SLC8A1: variants seen among roughly 807,000 people sequenced by gnomAD.
The protein encoded by SLC8A1 is solute carrier family 8 member A1.
A neutral mutation model predicts 68.3 loss-of-function variants in SLC8A1; 18 were observed. That is an observed-to-expected ratio of 0.26 (90% CI 0.18 to 0.39). SLC8A1 has a LOEUF of 0.39. Ranked by LOEUF, SLC8A1 falls within the 10% of genes least tolerant of loss-of-function variation. SLC8A1 has a pLI of 1.00. For missense variants in SLC8A1, 985 were observed against 1,156.7 expected, an observed-to-expected ratio of 0.85 and a Z score of 2.15; for synonymous variants, 475 against 415.5, an observed-to-expected ratio of 1.14 and a Z score of -1.74.
chr2:40,488,496 C>A (rs1011014906), intron 1 of SLC8A1, among the ~76,000 whole-genome samples: 7 of 151,792 alleles, frequency 4.6e-5, no homozygotes, highest in African/African-American at 1.7e-4. Context: ...GTATTTTAAG[C>A]CCATTTAGCA....
chr2:40,297,072 A>G (rs2070532036), intron 2 of SLC8A1, among the ~76,000 whole-genome samples: 1 of 152,132 alleles, frequency 6.6e-6, no homozygotes, highest in African/African-American at 2.4e-5. Context: ...CTGAAGGCAC[A>G]TGATACTCAT....
chr2:40,425,767 A>G (rs1025507707), intron 2 of SLC8A1, among the ~76,000 whole-genome samples: 2 of 151,926 alleles, frequency 1.3e-5, no homozygotes, highest in African/African-American at 4.8e-5. Context: ...ATCTGACTGT[A>G]TGGAAATAAG....
In SLC8A1 at chr2:40,219,546, T is replaced by C. The variant is rs111702488; in HGVS notation, c.1809-41691A>G. 5.9e-4 allele frequency among the ~76,000 whole-genome samples: 90 copies of C among 152,346 alleles called. No homozygotes were observed. The Middle Eastern group carries it at 0.017, about 29-fold the overall frequency. On this transcript the variant is annotated intron_variant, in intron 2 of 7. Transcript: ENST00000406785. Reference sequence around the variant, plus strand: ...GAGAAATAGAAATGAAGTTGAAATATACCCATGTAGTTTCCTTCAGCGATA... The same window carrying C: ...GAGAAATAGAAATGAAGTTGAAATACACCCATGTAGTTTCCTTCAGCGATA...
chr2:40,163,301 T>C (rs961288480), intron 5 of SLC8A1, among the ~76,000 whole-genome samples: 1 of 152,162 alleles, frequency 6.6e-6, no homozygotes, highest in African/African-American at 2.4e-5. Flanking sequence ...CTTCCTGTCA[T>C]GGGTGCATGG....
At chr2:40,260,525 C>T (rs2064552382) in intron 2 of SLC8A1, among the ~76,000 whole-genome samples, 1 of 152,098 alleles carries the variant, frequency 6.6e-6, no homozygotes, top group African/African-American at 2.4e-5. Flanking sequence ...TATAAGTCTT[C>T]CTTCTTGCCA....
intron 7 of SLC8A1, among the ~76,000 whole-genome samples, chr2:40,125,386 T>C (rs564338561): frequency 3.3e-5 from 5 of 152,210 alleles, no homozygotes; most frequent in Middle Eastern, 3.4e-3. Flanking sequence ...GTCCACAATA[T>C]GGAACAAGAA....
intron 2 of SLC8A1, among the ~76,000 whole-genome samples, chr2:40,300,989 T>A (rs1343075187): frequency 6.6e-6 from 1 of 151,994 alleles, no homozygotes; most frequent in African/African-American, 2.4e-5. Context: ...TATTTCAAGG[T>A]GAAAAGAGGT....
chr2:40,462,249 C>T (rs1703394050), intron 1 of SLC8A1, among the ~76,000 whole-genome samples: 1 of 151,762 alleles, frequency 6.6e-6, no homozygotes, highest in African/African-American at 2.4e-5. Context: ...TCAGGTGATT[C>T]ACCCACCTCG....
chr2:40,115,510 C>T (rs1445338770), exon 8 of SLC8A1: 1 of 1,614,168 alleles, frequency 6.2e-7, no homozygotes, highest in Non-Finnish European at 8.5e-7. Context: ...TAGATGGCAG[C>T]GATGGACCAG....
chr2:40,218,077 G>A (rs1011577924), intron 2 of SLC8A1, among the ~76,000 whole-genome samples: 1 of 141,430 alleles, frequency 7.1e-6, no homozygotes, highest in Non-Finnish European at 1.6e-5. Context: ...ACTATGGGAG[G>A]TTATATTTCA....
At chr2:40,302,171 A>G (rs1559153491) in intron 2 of SLC8A1, among the ~76,000 whole-genome samples, 2 of 151,852 alleles carry the variant, frequency 1.3e-5, no homozygotes, top group East Asian at 3.9e-4. Context: ...TGCTGGGATT[A>G]CAGGTGTGAG....
chr2:40,407,049 G>C (rs901213171), intron 2 of SLC8A1, among the ~76,000 whole-genome samples: 1 of 152,020 alleles, frequency 6.6e-6, no homozygotes, highest in African/African-American at 2.4e-5. Flanking sequence ...TGTGATCTTA[G>C]TATGTCACTC....
At chr2:40,170,747 A>G (rs1369645766) in intron 4 of SLC8A1, among the ~76,000 whole-genome samples, 1 of 152,238 alleles carries the variant, frequency 6.6e-6, no homozygotes, top group Non-Finnish European at 1.5e-5. Context: ...GCCAGTCTTC[A>G]TGACTGAATT....
rs76967135 is a variant in SLC8A1, at chr2:40,377,136, T to G, written c.1808+51337A>C. 1.3e-3 allele frequency among the ~76,000 whole-genome samples: 194 copies of G among 152,020 alleles called. 3 individuals are homozygous for G. The East Asian group carries it at 0.027, about 21-fold the overall frequency. Reference sequence around the variant, plus strand: ...TGACTTTAAGTTACTCAAGGAAGAGTTTATCCCGAGTGAGCCTAGCCTAAT... The same window carrying G: ...TGACTTTAAGTTACTCAAGGAAGAGGTTATCCCGAGTGAGCCTAGCCTAAT... On this transcript the variant is annotated intron_variant, in intron 2 of 7. Transcript: ENST00000406785.
chr2:40,151,555 C>T (rs1452580227), intron 6 of SLC8A1, among the ~76,000 whole-genome samples: 1 of 151,526 alleles, frequency 6.6e-6, no homozygotes, highest in Non-Finnish European at 1.5e-5. Flanking sequence ...AGATCTGTTC[C>T]TATTAATAGA....
At chr2:40,472,735 T>C (rs1180368951) in intron 1 of SLC8A1, among the ~76,000 whole-genome samples, 2 of 152,104 alleles carry the variant, frequency 1.3e-5, no homozygotes, top group Non-Finnish European at 2.9e-5. Flanking sequence ...TTAATAAACA[T>C]AATAAAACTT....
chr2:40,462,981 G>A (rs1026041102), intron 1 of SLC8A1, among the ~76,000 whole-genome samples: 23 of 151,800 alleles, frequency 1.5e-4, no homozygotes, highest in African/African-American at 4.8e-4. Flanking sequence ...ACTAAGCAAG[G>A]TCCTGTGTTA....
chr2:40,304,146 C>T (rs2072107604), intron 2 of SLC8A1, among the ~76,000 whole-genome samples: 1 of 152,156 alleles, frequency 6.6e-6, no homozygotes, highest in African/African-American at 2.4e-5. Flanking sequence ...TATTCAAACA[C>T]ATGGTAGTGT....
chr2:40,488,748 T>G (rs1052663401), intron 1 of SLC8A1, among the ~76,000 whole-genome samples: 2 of 152,138 alleles, frequency 1.3e-5, no homozygotes, highest in Non-Finnish European at 2.9e-5. Flanking sequence ...GTGTTAATAT[T>G]ATATGCAATT....
Sources: allele counts gnomAD v4.1 joint callset (sites outside exome capture counted in the v4.1 genomes callset), GRCh38; gene constraint gnomAD v4.1.1; transcripts MANE v1.5; gene names NCBI Gene and HGNC (gene_info 2026-07-23, HGNC 2026-07-21).